MPP2: variants seen among roughly 807,000 people sequenced by gnomAD.
MPP2 encodes the protein MAGUK p55 scaffold protein 2.
MPP2 carries 42 observed loss-of-function variants against 58.5 expected under a neutral mutation model. The observed-to-expected ratio is 0.72, with a 90% confidence interval of 0.56 to 0.93. The LOEUF is 0.93. Among genes scored for constraint, MPP2 ranks in the 40% least tolerant of loss-of-function variants. MPP2 has a pLI of 0.00. For synonymous variants in MPP2, 300 were observed against 307.8 expected, an observed-to-expected ratio of 0.97 and a Z score of 0.26; for missense variants, 632 against 760.4, an observed-to-expected ratio of 0.83 and a Z score of 1.99.
intron 1 of MPP2, chr17:43,905,304 A>C (rs1044847367): frequency 4.6e-5 from 7 of 152,236 alleles, no homozygotes; most frequent in African/African-American, 1.7e-4. Flanking sequence ...TGCTTCTGGA[A>C]CCTAGGCCTA....
Position 43,882,402 on chromosome 17 carries a change from A to G in MPP2, c.563T>C (p.Val188Ala), listed in dbSNP as rs961266933. The change falls in exon 6 of 13, where the codon GTG becomes GCG. Residue 188 changes from valine (V) to alanine (A), a missense_variant. Coordinates refer to ENST00000269095, the MANE Select transcript of MPP2 (RefSeq NM_005374.5). ...LLHVGDIIKEVNGQPVGSDPR... is the reference protein window; with the variant it reads ...LLHVGDIIKEANGQPVGSDPR... The stretch of plus-strand genomic sequence containing the variant: ...GTCACTGCCCACTGGCTGCCCGTTC[A>G]CCTCCTTGATGATGTCACCCACATG... 4 of 1,611,434 alleles carry G rather than the reference A, an allele frequency of 2.5e-6. No individual in the cohort carries two copies. The South Asian group carries it at 4.4e-5, about 18-fold the overall frequency.
At chr17:43,895,742 A>T (rs2047815943) in intron 3 of MPP2, among the ~76,000 whole-genome samples, 2 of 152,158 alleles carry the variant, frequency 1.3e-5, no homozygotes. Context: ...GCCTCAAGCA[A>T]TGCTCTCACC....
At chr17:43,908,285 T>C (rs986214607), upstream of MPP2, among the ~76,000 whole-genome samples, 1 of 152,212 alleles carries the variant, frequency 6.6e-6, no homozygotes, top group Admixed American at 6.5e-5. Context: ...ATGCTGGGCC[T>C]CCAAATACGG....
chr17:43,899,380 G>C (rs231495), intron 2 of MPP2, among the ~76,000 whole-genome samples: 121,573 of 151,930 alleles, frequency 0.8, 49,651 homozygotes, highest in East Asian at 1. Flanking sequence ...GAGCAAGTCC[G>C]TGAGTACAGG....
chr17:43,909,508 G>C, upstream of MPP2: 2 of 1,270,114 alleles, frequency 1.6e-6, no homozygotes, highest in Non-Finnish European at 2.1e-6. Context: ...ATCTCTACAA[G>C]ATATTAATTA....
At chr17:43,884,441 A>C (rs2083511177) in intron 3 of MPP2, among the ~76,000 whole-genome samples, 1 of 152,154 alleles carries the variant, frequency 6.6e-6, no homozygotes, top group Admixed American at 6.5e-5. Flanking sequence ...GCTAGTCTCA[A>C]ACTCTTGGCT....
At chr17:43,894,849 AGGAG>A (rs1254165353) in intron 3 of MPP2, among the ~76,000 whole-genome samples, 1 of 121,178 alleles carries the variant, frequency 8.3e-6, no homozygotes, top group East Asian at 2.6e-4. Context: ...GCAGGAGGGC[AGGAG>A]GATCATTTGA....
At chr17:43,881,197 CCT>C in intron 8 of MPP2, 39 bp from the exon 9 acceptor site, 1 of 1,613,660 alleles carries the variant, frequency 6.2e-7, no homozygotes, top group South Asian at 1.1e-5. Context: ...CAGACAGGGC[CCT>C]GTTGGATCCC....
In MPP2 at chr17:43,879,698, G is replaced by T; in HGVS notation, c.1353+84C>A. 1 of 1,475,496 alleles carries T rather than the reference G, an allele frequency of 6.8e-7. No homozygotes were observed. The highest frequency in any genetic ancestry group is 9.3e-7 in the Non-Finnish European group (1 of 1,075,632). The allele number at this position is 1,475,496 out of a possible 1,614,324, so 91.4% of individuals were successfully genotyped here. A position where few individuals can be genotyped will look rare whatever the true frequency, so the allele number is the denominator to read the frequency against. On this transcript the variant is annotated intron_variant, in intron 11 of 12. Transcript: ENST00000269095. The surrounding 1 kb of genome is among the most constrained non-coding windows in gnomAD (Gnocchi z 4.1). ...AGGGGGTACATGGGCGTGTTCAGGT[G>T]ACAGGTGTCTGGAACTATATGGGGG...
intron 5 of MPP2, 46 bp downstream of exon 5, chr17:43,882,857 C>A (rs566047233): frequency 2.5e-6 from 4 of 1,607,626 alleles, no homozygotes; most frequent in African/African-American, 2.7e-5. Context: ...TATTCTCAAT[C>A]CCCCCACCCT....
chr17:43,885,591 C>A (rs1384121042), intron 3 of MPP2, among the ~76,000 whole-genome samples: 2 of 152,216 alleles, frequency 1.3e-5, no homozygotes, highest in African/African-American at 4.8e-5. Context: ...TGTCTCCCTT[C>A]TCCTTCAGTG....
At position 43,882,951 on chromosome 17, in the gene MPP2, G is replaced by A. The variant is rs199687156; in HGVS notation, c.405C>T (p.Pro135=). Residue 135 remains proline, a synonymous_variant, in exon 5 of 13, where the codon CCC becomes CCT. Transcript: ENST00000269095. ...DPTFSNQPVP[P]DAVRMVGIRK... is the part of the protein sequence containing the mutation. ...GGATGCCCACCATGCGCACAGCATC[G>A]GGAGGTACAGGCTGGTTGCTGAATG... 42 of 1,614,026 alleles carry A rather than the reference G, an allele frequency of 2.6e-5. No individual in the cohort carries two copies. The highest frequency in any genetic ancestry group is 1.6e-4 in the Middle Eastern group (1 of 6,076).
chr17:43,901,208 G>A, intron 2 of MPP2: 8 of 970,594 alleles, frequency 8.2e-6, no homozygotes, highest in Non-Finnish European at 9.8e-6. Context: ...CCCACCCTTG[G>A]TCAGCCACTG....
chr17:43,881,097 C>A lies in MPP2; in HGVS notation c.981G>T (p.Lys327Asn), dbSNP rs1323694284. 4 of 1,613,848 alleles carry A rather than the reference C, an allele frequency of 2.5e-6. No individual in the cohort carries two copies. The highest frequency in any genetic ancestry group is 3.4e-6 in the Non-Finnish European group (4 of 1,179,982). Reference protein sequence around the residue: ...KKKRMMYLTTKNAEFDRHELL... With the variant: ...KKKRMMYLTTNNAEFDRHELL... Reference sequence around the variant, plus strand: ...GGGCGCTCTGATACCCACCTGCATTCTTGGTGGTCAAATACATCATTCGCT... The same window carrying A: ...GGGCGCTCTGATACCCACCTGCATTATTGGTGGTCAAATACATCATTCGCT... The change falls in exon 9 of 13, where the codon AAG becomes AAT. Residue 327 changes from lysine to asparagine, a missense_variant. Transcript: ENST00000269095.
chr17:43,887,465 T>G (rs1022226156), intron 3 of MPP2, among the ~76,000 whole-genome samples: 14 of 147,734 alleles, frequency 9.5e-5, no homozygotes, highest in African/African-American at 1.5e-4. Flanking sequence ...TGTTTTTTTG[T>G]TTTTTTTTTA....
In MPP2 at chr17:43,882,348, T is replaced by C. The variant is rs1567880230; in HGVS notation, c.617A>G (p.Asn206Ser). The C allele has an allele frequency of 1.9e-6, 3 of 1,612,390 alleles. No homozygotes were observed. The highest frequency in any genetic ancestry group is 1.3e-5 in the African/African-American group (1 of 74,916). ...DPRALQELLR[N>S]ASGSVILKIL... ...CTTGAGGATGACACTGCCACTGGCATTGCGCAGGAGCTCCTGCAGTGCGCG... is the reference window on the plus strand; with the variant it reads ...CTTGAGGATGACACTGCCACTGGCACTGCGCAGGAGCTCCTGCAGTGCGCG... Residue 206 changes from asparagine to serine, a missense_variant, in exon 6 of 13, where the codon AAT becomes AGT. Physicochemically the swap from Asn to Ser is conservative, Grantham distance 46 (BLOSUM62 1). Coordinates refer to ENST00000269095, the MANE Select transcript of MPP2 (RefSeq NM_005374.5).
At position 43,880,797 on chromosome 17, in the gene MPP2, G is replaced by T; in HGVS notation, c.1044C>A (p.Phe348Leu). 2 of 1,613,520 alleles carry T rather than the reference G, an allele frequency of 1.2e-6. No homozygotes were observed. Among genetic ancestry groups the T allele is most frequent in the Non-Finnish European group, 1.7e-6 (2 of 1,179,578 alleles). The change falls in exon 10 of 13, where the codon TTC (phenylalanine) becomes TTA (leucine). Residue 348 changes from phenylalanine to leucine, a missense_variant. Transcript: ENST00000269095. The surrounding 1 kb of genome is among the most constrained non-coding windows in gnomAD (Gnocchi z 5.2). The stretch of plus-strand genomic sequence containing the variant: ...CAATCAGTACCAGGGTTTTCCGGCG[G>T]AACGGGGGCATGCGGGCCACCTCCT... ...IYEEVARMPP[F>L]RRKTLVLIGA...
chr17:43,898,879 T>C (rs990764812), intron 2 of MPP2, among the ~76,000 whole-genome samples: 3 of 151,988 alleles, frequency 2.0e-5, no homozygotes, highest in African/African-American at 7.3e-5. Context: ...GCAGGAGAAC[T>C]GCTTGAACCT....
chr17:43,909,670 T>A, upstream of MPP2: 1 of 1,311,594 alleles, frequency 7.6e-7, no homozygotes, highest in Non-Finnish European at 1.0e-6. Flanking sequence ...CCCACTGCAT[T>A]CGTCGGTCAA....
Sources: gnomAD v4.1 joint callset for allele counts (sites outside exome capture counted in the v4.1 genomes callset) on GRCh38, gnomAD v4.1.1 for gene constraint, Gnocchi (gnomAD v3.1) non-coding constraint, MANE v1.5 for transcripts, NCBI Gene and HGNC (gene_info 2026-07-23, HGNC 2026-07-21) for gene names.